CYB5B: variants seen among roughly 807,000 people sequenced by gnomAD.
The protein encoded by CYB5B is cytochrome b5 type B (outer mitochondrial membrane).
Under a neutral mutation model 21.3 loss-of-function variants are expected in CYB5B, and 14 were observed. The ratio of observed to expected loss-of-function variants is 0.66; its 90% CI spans 0.43 to 1.03. The LOEUF is 1.03. CYB5B is among the 50% of genes least tolerant of loss of function. The pLI is 0.00. For synonymous variants in CYB5B, 69 were observed against 68.4 expected, an observed-to-expected ratio of 1.01 and a Z score of -0.04; for missense variants, 166 against 185.1, an observed-to-expected ratio of 0.90 and a Z score of 0.60.
At chr16:69,451,167 T>C (rs2014927315) in intron 3 of CYB5B, among the ~76,000 whole-genome samples, 1 of 152,216 alleles carries the variant, frequency 6.6e-6, no homozygotes, top group South Asian at 2.1e-4. Flanking sequence ...CATTTGTCTT[T>C]GTGAATCTCT....
At chr16:69,429,550 C>G (rs2014684201) in intron 1 of CYB5B, among the ~76,000 whole-genome samples, 2 of 152,316 alleles carry the variant, frequency 1.3e-5, no homozygotes, top group South Asian at 2.1e-4. Context: ...GGAAGTCCAG[C>G]TGGCTTTGCC....
intron 4 of CYB5B, 141 bp downstream of exon 4, chr16:69,459,262 G>C (rs371185763): frequency 5.5e-6 from 6 of 1,088,174 alleles, no homozygotes; most frequent in Admixed American, 2.8e-5. Flanking sequence ...TGCAAATTCA[G>C]TTGTTCCTTG....
intron 3 of CYB5B, among the ~76,000 whole-genome samples, chr16:69,454,014 T>G (rs1311162352): frequency 6.6e-6 from 1 of 152,238 alleles, no homozygotes; most frequent in East Asian, 1.9e-4. Flanking sequence ...AAAGCTCTAC[T>G]TAGAAATGAT....
intron 1 of CYB5B, among the ~76,000 whole-genome samples, chr16:69,442,213 T>G (rs1237812877): frequency 6.6e-6 from 1 of 152,184 alleles, no homozygotes. Context: ...AATAATGCTT[T>G]TTCTTTCTTT....
chr16:69,437,178 A>T (rs572594089), intron 1 of CYB5B, among the ~76,000 whole-genome samples: 1 of 152,216 alleles, frequency 6.6e-6, no homozygotes, highest in Admixed American at 6.5e-5. Context: ...TCATTGTTTC[A>T]TCTTTTTTGG....
At chr16:69,461,039 G>A (rs1355552451) in intron 4 of CYB5B, among the ~76,000 whole-genome samples, 6 of 152,226 alleles carry the variant, frequency 3.9e-5, no homozygotes, top group East Asian at 3.9e-4. Flanking sequence ...TCTGGCCGGC[G>A]TGGTGGCTCA....
rs2015049292 is a variant in CYB5B at position 69,462,842 on chromosome 16, C to T, written c.*322C>T. On this transcript the variant is annotated 3_prime_UTR_variant, in exon 5 of 5. Transcript: ENST00000307892. Reference sequence around the variant, plus strand: ...TGACATTGCTCTTTGGTAAAAATGCCTGCTTTCCAATACTTTGATTGCATA... The same window carrying T: ...TGACATTGCTCTTTGGTAAAAATGCTTGCTTTCCAATACTTTGATTGCATA... The T allele has an allele frequency of 8.4e-6, 2 of 237,088 alleles. No homozygotes were observed. Among genetic ancestry groups the T allele is most frequent in the South Asian group, 1.7e-4 (2 of 11,960 alleles). The allele number at this position is 237,088 out of a possible 1,614,324, so 14.7% of individuals were successfully genotyped here.
chr16:69,461,065 C>G (rs1198404749), intron 4 of CYB5B, among the ~76,000 whole-genome samples: 1 of 152,106 alleles, frequency 6.6e-6, no homozygotes, highest in Non-Finnish European at 1.5e-5. Flanking sequence ...GTAGTCTCAG[C>G]AAACTGGGAG....
chr16:69,425,381 G>C (rs1433829012), intron 1 of CYB5B, among the ~76,000 whole-genome samples: 1 of 151,080 alleles, frequency 6.6e-6, no homozygotes, highest in Non-Finnish European at 1.5e-5. Flanking sequence ...AATCTGAGTT[G>C]ACCTTGAGGC....
At chr16:69,455,190 G>A (rs1045784252) in intron 3 of CYB5B, among the ~76,000 whole-genome samples, 4 of 151,996 alleles carry the variant, frequency 2.6e-5, no homozygotes, top group South Asian at 4.2e-4. Context: ...CACTGCACCC[G>A]GCTTCCCTGT....
intron 1 of CYB5B, among the ~76,000 whole-genome samples, chr16:69,428,922 G>A (rs1165237676): frequency 2.0e-5 from 3 of 152,178 alleles, no homozygotes; most frequent in Admixed American, 2.0e-4. Context: ...GGCCACAGTG[G>A]TTGAATAGTT....
At chr16:69,426,964 G>T (rs1443957732) in intron 1 of CYB5B, among the ~76,000 whole-genome samples, 1 of 152,128 alleles carries the variant, frequency 6.6e-6, no homozygotes, top group Non-Finnish European at 1.5e-5. Context: ...TTTTGGCTGG[G>T]CGCAGTGACT....
chr16:69,456,393 G>C (rs1449351023), intron 3 of CYB5B, among the ~76,000 whole-genome samples: 1 of 152,154 alleles, frequency 6.6e-6, no homozygotes, highest in East Asian at 1.9e-4. Flanking sequence ...ATTTCCATGA[G>C]TTTTGAGCTA....
At chr16:69,436,567 G>A (rs1035901782) in intron 1 of CYB5B, among the ~76,000 whole-genome samples, 6 of 152,102 alleles carry the variant, frequency 3.9e-5, no homozygotes, top group Admixed American at 3.9e-4. Context: ...ATCTTTCTCT[G>A]CCCTGCAGAC....
intron 1 of CYB5B, among the ~76,000 whole-genome samples, chr16:69,427,228 T>G (rs1597278091): frequency 6.6e-6 from 1 of 151,752 alleles, no homozygotes. Flanking sequence ...AGAGTGAGAC[T>G]CCATCTCAAA....
At chr16:69,440,745 CGTGTGTGT>C (rs56008000) in intron 1 of CYB5B, among the ~76,000 whole-genome samples, 1 of 146,416 alleles carries the variant, frequency 6.8e-6, no homozygotes, top group East Asian at 2.0e-4. Context: ...GTGTGTGTTG[CGTGTGTGT>C]GTGTGTGTGT....
At position 69,465,154 on chromosome 16, in the gene CYB5B, G is replaced by C; in HGVS notation, c.*2634G>C. The C allele has an allele frequency of 6.5e-6, 1 of 154,368 alleles. No homozygotes were observed. The highest frequency in any genetic ancestry group is 1.4e-5 in the Non-Finnish European group (1 of 69,636). The allele number at this position is 154,368 out of a possible 1,614,324, so 9.6% of individuals were successfully genotyped here. A position where few individuals can be genotyped will look rare whatever the true frequency, so the allele number is the denominator to read the frequency against. ...CCATTGGCTGACAGTGCCACCTGGA[G>C]CTGGTCTCTGGGGTGTTCGGTTGTT... On this transcript the variant is annotated 3_prime_UTR_variant, in exon 5 of 5. Coordinates refer to ENST00000307892, the MANE Select transcript of CYB5B (RefSeq NM_030579.3).
intron 1 of CYB5B, among the ~76,000 whole-genome samples, chr16:69,439,175 C>T (rs938035286): frequency 6.6e-6 from 1 of 152,148 alleles, no homozygotes; most frequent in Non-Finnish European, 1.5e-5. Flanking sequence ...CTTTCCTTTG[C>T]ATGTGGAAAT....
chr16:69,447,031 A>G, intron 1 of CYB5B, 119 bp from the exon 2 acceptor site: 4 of 1,222,292 alleles, frequency 3.3e-6, no homozygotes, highest in Non-Finnish European at 4.6e-6. Context: ...GCACCACACA[A>G]TGTCAATTTG....
Sources: allele counts gnomAD v4.1 joint callset (sites outside exome capture counted in the v4.1 genomes callset), GRCh38; gene constraint gnomAD v4.1.1; transcripts MANE v1.5; gene names NCBI Gene and HGNC (gene_info 2026-07-23, HGNC 2026-07-21).